Variants in SLC39A11 observed in about 807,000 individuals in gnomAD.
The protein encoded by SLC39A11 is zinc transporter ZIP11.
In SLC39A11, 33 loss-of-function variants were observed where a neutral mutation model predicts 36.1. That is an observed-to-expected ratio of 0.91 (90% confidence interval 0.69 to 1.22). The LOEUF (loss-of-function observed/expected upper bound fraction) is 1.22. SLC39A11 is among the 50% of genes most tolerant of loss of function. The probability of loss-of-function intolerance (pLI) is 0.00; values close to 1 mark genes in which losing one functional copy is unlikely to be tolerated. For synonymous variants in SLC39A11, 166 were observed against 170.3 expected (o/e 0.97, Z 0.20); for missense variants, 432 against 430.3 (o/e 1.00, Z -0.03).
chr17:73,054,438 G>A (rs2144025281), intron 3 of SLC39A11, among the ~76,000 whole-genome samples: 1 of 151,934 alleles, frequency 6.6e-6, no homozygotes, highest in South Asian at 2.1e-4. Flanking sequence ...AAATATTTTT[G>A]GATGCCAACT....
In SLC39A11 at chr17:72,923,745, GAGTT is replaced by G. The variant is rs557335815; in HGVS notation, c.430+24003_430+24006del. On this transcript the variant is annotated intron_variant, in intron 5 of 9. Coordinates refer to ENST00000255559, the MANE Select transcript of SLC39A11 (RefSeq NM_139177.4). ...ACAATAAAGAGACGAGCTCAGAAAA[GAGTT>G]AGCTGGTTTTCCAATAGGATTGAGG... Among the ~76,000 whole-genome samples, 10 of 152,216 alleles carry G rather than the reference GAGTT, an allele frequency of 6.6e-5. No individual in the cohort carries two copies. The South Asian group carries it at 1.9e-3, about 28-fold the overall frequency.
At chr17:73,013,517 A>G (rs1207898328) in intron 4 of SLC39A11, among the ~76,000 whole-genome samples, 3 of 152,248 alleles carry the variant, frequency 2.0e-5, no homozygotes, top group Non-Finnish European at 2.9e-5. Flanking sequence ...GGGATTCCAC[A>G]GTTCATAAAT....
chr17:73,007,587 GACAA>G (rs889668183), intron 4 of SLC39A11, among the ~76,000 whole-genome samples: 16 of 152,186 alleles, frequency 1.1e-4, no homozygotes, highest in African/African-American at 3.4e-4. Flanking sequence ...GGCTCAAAAA[GACAA>G]ACAGTGTGAC....
At chr17:72,905,722 G>C (rs904029508) in intron 5 of SLC39A11, among the ~76,000 whole-genome samples, 16 of 151,752 alleles carry the variant, frequency 1.1e-4, no homozygotes, top group Non-Finnish European at 1.5e-5. Context: ...CCTGACCCCT[G>C]CAACTGCCAC....
At chr17:72,931,556 T>A (rs944510372) in intron 5 of SLC39A11, among the ~76,000 whole-genome samples, 1 of 152,196 alleles carries the variant, frequency 6.6e-6, no homozygotes, top group Admixed American at 6.5e-5. Context: ...CCTTCCCAAA[T>A]GCACCAGATA....
At chr17:72,702,707 C>G (rs987010816) in intron 7 of SLC39A11, among the ~76,000 whole-genome samples, 1 of 151,864 alleles carries the variant, frequency 6.6e-6, no homozygotes, top group South Asian at 2.1e-4. Context: ...GAGGCTGAGG[C>G]GGGTGGATCA....
intron 7 of SLC39A11, among the ~76,000 whole-genome samples, chr17:72,710,588 C>A (rs1598411278): frequency 6.6e-6 from 1 of 152,226 alleles, no homozygotes; most frequent in African/African-American, 2.4e-5. Context: ...GTGCCTTGAT[C>A]TTGGACTTTA....
chr17:73,009,058 C>CCAAAAAAAAAAAAAAA (rs2090353616), intron 4 of SLC39A11, among the ~76,000 whole-genome samples: 1 of 78,816 alleles, frequency 1.3e-5, no homozygotes, highest in African/African-American at 4.6e-5. Flanking sequence ...AGACCTGCCT[C>CCAAAAAAAAAAAAAAA]AAAAAAAAAA....
Position 72,781,887 on chromosome 17 carries a change from C to CAAAA in SLC39A11, c.602-45172_602-45169dup, listed in dbSNP as rs4036981. 1.1e-3 allele frequency among the ~76,000 whole-genome samples: 157 copies of CAAAA among 136,900 alleles called. 1 individual carries two copies. The highest frequency in any genetic ancestry group is 4.0e-3 in the African/African-American group (149 of 37,446). The allele number at this position is 136,900 out of a possible 152,430, so 89.8% of individuals were successfully genotyped here. A position where few individuals can be genotyped will look rare whatever the true frequency, so the allele number is the denominator to read the frequency against. ...ACTTCACTTTCCATCCATCACCATC[C>CAAAA]AAAAAAAAAAAAAAATTCTATTTAT... On this transcript the variant is annotated intron_variant, in intron 6 of 9. Transcript: ENST00000255559.
intron 5 of SLC39A11, among the ~76,000 whole-genome samples, chr17:72,908,092 G>A (rs1205843580): frequency 6.6e-6 from 1 of 152,162 alleles, no homozygotes; most frequent in Non-Finnish European, 1.5e-5. Flanking sequence ...TATTCTGCAT[G>A]TGCCACAAGT....
intron 4 of SLC39A11, among the ~76,000 whole-genome samples, chr17:72,990,777 C>T (rs1179620086): frequency 6.6e-6 from 1 of 152,150 alleles, no homozygotes; most frequent in Non-Finnish European, 1.5e-5. Flanking sequence ...CACACATCTA[C>T]ACTAAAATCT....
Position 73,041,932 on chromosome 17 carries a change from AT to A in SLC39A11, c.148-10219del, listed in dbSNP as rs2059125108. Among the ~76,000 whole-genome samples the A allele has an allele frequency of 2.0e-5, 3 of 152,340 alleles. No individual in the cohort carries two copies. The South Asian group carries it at 6.2e-4, about 32-fold the overall frequency. ...ATCCGATCTCTTTTCTCAAAATATCATGCAAAATGCCCCAGGGATCTGTACT... is the reference window on the plus strand; with the variant it reads ...ATCCGATCTCTTTTCTCAAAATATCAGCAAAATGCCCCAGGGATCTGTACT... On this transcript the variant is annotated intron_variant, in intron 3 of 9. Coordinates refer to ENST00000255559, the MANE Select transcript of SLC39A11 (RefSeq NM_139177.4).
intron 6 of SLC39A11, among the ~76,000 whole-genome samples, chr17:72,753,287 C>A (rs1428317646): frequency 1.3e-5 from 2 of 152,116 alleles, no homozygotes; most frequent in Non-Finnish European, 2.9e-5. Context: ...TCCCCACATG[C>A]CTGCACACAT....
intron 7 of SLC39A11, among the ~76,000 whole-genome samples, chr17:72,651,326 AC>A (rs150475818): frequency 0.016 from 2,330 of 145,312 alleles, 66 homozygotes; most frequent in African/African-American, 0.055. Flanking sequence ...AGTCAAGCCC[AC>A]CCCCCTCCCA....
chr17:73,003,687 A>G (rs1179457372), intron 4 of SLC39A11, among the ~76,000 whole-genome samples: 1 of 152,182 alleles, frequency 6.6e-6, no homozygotes, highest in Non-Finnish European at 1.5e-5. Context: ...TGAGGTGGCC[A>G]CAGAGGGCAG....
intron 7 of SLC39A11, among the ~76,000 whole-genome samples, chr17:72,676,622 G>T (rs2071273515): frequency 6.6e-6 from 1 of 152,166 alleles, no homozygotes; most frequent in South Asian, 2.1e-4. Context: ...CCCTTAGGCA[G>T]TTCCTGGGAA....
At chr17:72,666,472 C>T (rs1020688571) in intron 7 of SLC39A11, among the ~76,000 whole-genome samples, 4 of 152,188 alleles carry the variant, frequency 2.6e-5, no homozygotes, top group Non-Finnish European at 4.4e-5. Context: ...AATGCTTTGC[C>T]GCTGAATAAC....
At position 72,900,020 on chromosome 17, in the gene SLC39A11, AAGAG is replaced by A. The variant is rs1285737938; in HGVS notation, c.430+47728_430+47731del. On this transcript the variant is annotated intron_variant, in intron 5 of 9. Transcript: ENST00000255559. Reference sequence around the variant, plus strand: ...AGAGAGAGAAAGAGAGAGAGAGAGAAAGAGAGAGAGAGAGAAAGAGAGAGAGAAA... The same window carrying A: ...AGAGAGAGAAAGAGAGAGAGAGAGAAAGAGAGAGAGAAAGAGAGAGAGAAA... 7.3e-4 allele frequency among the ~76,000 whole-genome samples: 99 copies of A among 136,336 alleles called. 3 individuals carry two copies. The highest frequency in any genetic ancestry group is 3.5e-3 in the Middle Eastern group (1 of 284). 89.4% of individuals were successfully genotyped at this position (136,336 alleles called of 152,430 possible).
chr17:72,708,644 C>T (rs2072990246), intron 7 of SLC39A11, among the ~76,000 whole-genome samples: 1 of 152,228 alleles, frequency 6.6e-6, no homozygotes, highest in South Asian at 2.1e-4. Flanking sequence ...CACAGCATTG[C>T]TTCTCCATTC....
Sources: allele counts gnomAD v4.1 joint callset (sites outside exome capture counted in the v4.1 genomes callset), GRCh38; gene constraint gnomAD v4.1.1; transcripts MANE v1.5; gene names NCBI Gene and HGNC (gene_info 2026-07-23, HGNC 2026-07-21).